PLXDC1: variants seen among roughly 807,000 people sequenced by gnomAD.
PLXDC1 encodes the protein plexin domain-containing protein 1.
A neutral mutation model predicts 61.3 loss-of-function variants in PLXDC1; 39 were observed. The observed-to-expected ratio is 0.64, with a 90% CI of 0.49 to 0.83. PLXDC1 has a LOEUF of 0.83. Among genes scored for constraint, PLXDC1 ranks in the 40% least tolerant of loss-of-function variants. PLXDC1 has a pLI of 0.00. For missense variants in PLXDC1, 596 were observed against 666.5 expected, an observed-to-expected ratio of 0.89 and a Z score of 1.17; for synonymous variants, 212 against 254.5, an observed-to-expected ratio of 0.83 and a Z score of 1.59.
In PLXDC1 at chr17:39,079,093, A is replaced by T. The variant is rs1213836299; in HGVS notation, c.1050+11T>A. On this transcript the variant is annotated intron_variant, in intron 10 of 13. Coordinates refer to ENST00000315392, the MANE Select transcript of PLXDC1 (RefSeq NM_020405.5). The stretch of plus-strand genomic sequence containing the variant: ...GGCACAGGAGTTGCAGCAGATACTT[A>T]TGCTTCTCACCTCCTGTGCACAGCC... The T allele has an allele frequency of 6.2e-7, 1 of 1,611,564 alleles. No individual in the cohort carries two copies. Among genetic ancestry groups the T allele is most frequent in the African/African-American group, 1.3e-5 (1 of 74,996 alleles).
rs1317207959 is a variant in PLXDC1 at position 39,124,984 on chromosome 17, T to G, written c.255+14670A>C. Among the ~76,000 whole-genome samples, 5 of 152,256 alleles carry G rather than the reference T, an allele frequency of 3.3e-5. No individual in the cohort carries two copies. The South Asian group carries it at 8.3e-4, about 25-fold the overall frequency. On this transcript the variant is annotated intron_variant, in intron 2 of 13. Coordinates refer to ENST00000315392, the MANE Select transcript of PLXDC1 (RefSeq NM_020405.5). ...ACAGGCCACTACGCCCAGCTAACTTTTTTTGTAATTTTTATAGAGCCAGGG... is the reference window on the plus strand; with the variant it reads ...ACAGGCCACTACGCCCAGCTAACTTGTTTTGTAATTTTTATAGAGCCAGGG...
chr17:39,095,948 GCCA>G (rs1162709422), intron 7 of PLXDC1, among the ~76,000 whole-genome samples: 1 of 152,132 alleles, frequency 6.6e-6, no homozygotes, highest in Non-Finnish European at 1.5e-5. Context: ...TACAGGCGTA[GCCA>G]CCATGCCTGG....
chr17:39,144,373 G>C (rs1013027982), intron 1 of PLXDC1, among the ~76,000 whole-genome samples: 1 of 152,244 alleles, frequency 6.6e-6, no homozygotes, highest in Non-Finnish European at 1.5e-5. Flanking sequence ...AAGAGGTAAA[G>C]AGTCCATGAA....
At chr17:39,079,448 C>T (rs910093044) in intron 9 of PLXDC1, 8 of 521,106 alleles carry the variant, frequency 1.5e-5, no homozygotes, top group African/African-American at 3.8e-5. Context: ...TCCTCAAGGT[C>T]GCCTTGACTC....
intron 11 of PLXDC1, among the ~76,000 whole-genome samples, chr17:39,074,077 A>G (rs1909229857): frequency 6.6e-6 from 1 of 152,002 alleles, no homozygotes; most frequent in Admixed American, 6.5e-5. Context: ...CATAGAATGT[A>G]TGGGAAAGAC....
chr17:39,111,880 C>T (rs3025159), intron 2 of PLXDC1: 6,132 of 152,368 alleles, frequency 0.04, 176 homozygotes, highest in African/African-American at 0.076. Context: ...CAGAGGGGGA[C>T]GCACTGCTCT....
intron 1 of PLXDC1, among the ~76,000 whole-genome samples, chr17:39,147,410 GC>G (rs1055341158): frequency 6.6e-6 from 1 of 151,886 alleles, no homozygotes; most frequent in African/African-American, 2.4e-5. Flanking sequence ...TTTCTCTGCT[GC>G]CCCCTCGGTG....
chr17:39,121,615 T>G (rs910596719), intron 2 of PLXDC1, among the ~76,000 whole-genome samples: 9 of 152,212 alleles, frequency 5.9e-5, no homozygotes, highest in African/African-American at 2.2e-4. Context: ...GCAGTTTTGA[T>G]GGAGGAACCC....
chr17:39,146,945 A>C (rs12946701), intron 1 of PLXDC1, among the ~76,000 whole-genome samples: 24,335 of 141,262 alleles, frequency 0.17, 2,644 homozygotes, highest in African/African-American at 0.3. Flanking sequence ...CAGACAGGAA[A>C]TGATTTTTTT....
At chr17:39,107,832 C>T (rs544323349) in intron 5 of PLXDC1, 15 of 565,784 alleles carry the variant, frequency 2.7e-5, no homozygotes, top group Non-Finnish European at 3.8e-5. Flanking sequence ...TGGATTCAGA[C>T]GGGGCTCAAG....
chr17:39,082,592 A>G (rs1909604290), intron 9 of PLXDC1, among the ~76,000 whole-genome samples: 1 of 151,288 alleles, frequency 6.6e-6, no homozygotes, highest in Non-Finnish European at 1.5e-5. Context: ...GGAAAGGAGC[A>G]TTGGAAAGGA....
At position 39,072,201 on chromosome 17, in the gene PLXDC1, G is replaced by C. The variant is rs965450870; in HGVS notation, c.1222+249C>G. On this transcript the variant is annotated intron_variant, in intron 12 of 13. Transcript: ENST00000315392. The stretch of plus-strand genomic sequence containing the variant: ...GTGAATATTCAAGGACAGAGAGCCA[G>C]GAGAAGAACCACAGGAGGTTCAGGG... 1.1e-5 allele frequency: 6 copies of C among 549,236 alleles called. No homozygotes were observed. In the African/African-American group the frequency reaches 1.1e-4, roughly 10 times the overall value. The allele number at this position is 549,236 out of a possible 1,614,324, so 34.0% of individuals were successfully genotyped here.
chr17:39,145,653 A>G (rs1047568414), intron 1 of PLXDC1, among the ~76,000 whole-genome samples: 3 of 152,070 alleles, frequency 2.0e-5, no homozygotes, highest in African/African-American at 7.2e-5. Flanking sequence ...GAGGGGAGGG[A>G]AGGGAGAGCA....
intron 11 of PLXDC1, 77 bp from the exon 12 acceptor site, chr17:39,072,562 G>A: frequency 2.1e-6 from 2 of 949,150 alleles, no homozygotes; most frequent in East Asian, 5.2e-5. Flanking sequence ...CAGATGGGAT[G>A]AAAGTTCAGC....
At chr17:39,068,527 A>T (rs993467911) in intron 13 of PLXDC1, among the ~76,000 whole-genome samples, 6 of 152,208 alleles carry the variant, frequency 3.9e-5, no homozygotes, top group Non-Finnish European at 7.3e-5. Context: ...AAATACAAAA[A>T]TTAGCTGAGT....
intron 2 of PLXDC1, among the ~76,000 whole-genome samples, chr17:39,129,205 C>T (rs1379453973): frequency 6.6e-6 from 1 of 151,808 alleles, no homozygotes; most frequent in Non-Finnish European, 1.5e-5. Context: ...GTAATCCCAG[C>T]TACTCGGGAG....
chr17:39,147,865 G>A (rs2045352155), intron 1 of PLXDC1, among the ~76,000 whole-genome samples: 1 of 152,128 alleles, frequency 6.6e-6, no homozygotes, highest in South Asian at 2.1e-4. Flanking sequence ...CCTGTACCCA[G>A]GAAGAGTCTA....
rs138226310 is a variant in PLXDC1 at position 39,116,861 on chromosome 17, T to C, written c.256-7470A>G. Among the ~76,000 whole-genome samples, 3 of 152,264 alleles carry C rather than the reference T, an allele frequency of 2.0e-5. No individual in the cohort carries two copies. In the East Asian group the frequency reaches 5.8e-4, roughly 29 times the overall value. On this transcript the variant is annotated intron_variant, in intron 2 of 13. Transcript: ENST00000315392. ...GAGGCAGCATGCTTCCTTGTCGGGT[T>C]CAAAAGGAGAAACCTCGCACCAAGA...
intron 7 of PLXDC1, among the ~76,000 whole-genome samples, chr17:39,096,164 CT>C (rs1910193315): frequency 6.6e-6 from 1 of 152,214 alleles, no homozygotes; most frequent in Non-Finnish European, 1.5e-5. Flanking sequence ...TTCATGCATT[CT>C]TTTGTTCCTT....
Sources: gnomAD v4.1 joint callset for allele counts (sites outside exome capture counted in the v4.1 genomes callset) on GRCh38, gnomAD v4.1.1 for gene constraint, MANE v1.5 for transcripts, NCBI Gene and HGNC (gene_info 2026-07-23, HGNC 2026-07-21) for gene names.